The following CA5B variants were observed in gnomAD, a reference collection of about 807,000 sequenced individuals.
CA5B encodes the protein carbonic anhydrase 5B.
In CA5B, 15 loss-of-function variants were observed where a neutral mutation model predicts 23.1. The ratio of observed to expected loss-of-function variants is 0.65; its 90% CI spans 0.43 to 1.00. CA5B has a LOEUF of 1.00. Ranked by LOEUF, CA5B falls within the 50% of genes least tolerant of loss-of-function variation. CA5B has a pLI of 0.00. For synonymous variants in CA5B, 84 were observed against 98.5 expected (o/e 0.85, Z 0.87); for missense variants, 236 against 252.2 (o/e 0.94, Z 0.43).
intron 3 of CA5B, chrX:15,768,495 T>C (rs764047315): frequency 8.9e-6 from 1 of 112,309 alleles, no homozygotes; most frequent in Non-Finnish European, 1.9e-5. Flanking sequence ...TGTAGAGAGT[T>C]TGCTAATTTT....
At chrX:15,738,823 C>T (rs1931062477) in intron 1 of CA5B, among the ~76,000 whole-genome samples, 1 of 111,161 alleles carries the variant, frequency 9.0e-6, no homozygotes, top group Non-Finnish European at 1.9e-5. Flanking sequence ...GGAACTCCCT[C>T]AGATCTGCAT....
intron 2 of CA5B, among the ~76,000 whole-genome samples, chrX:15,754,064 G>A (rs1340866763): frequency 8.9e-6 from 1 of 112,062 alleles, no homozygotes; most frequent in African/African-American, 3.2e-5. Flanking sequence ...CTATTTGAGT[G>A]TTAAAGCTGG....
intron 1 of CA5B, among the ~76,000 whole-genome samples, chrX:15,739,798 G>T (rs1344021168): frequency 8.9e-6 from 1 of 111,742 alleles, no homozygotes; most frequent in Non-Finnish European, 1.9e-5. Flanking sequence ...TGGGTGAGAG[G>T]GGGAAGCTGA....
chrX:15,739,129 G>A (rs1931069118), intron 1 of CA5B, among the ~76,000 whole-genome samples: 1 of 112,271 alleles, frequency 8.9e-6, no homozygotes, highest in South Asian at 3.7e-4. Flanking sequence ...TCCCTCCTGT[G>A]TATTTTCGCT....
intron 1 of CA5B, among the ~76,000 whole-genome samples, chrX:15,746,666 A>G (rs972442140): frequency 9.0e-6 from 1 of 111,494 alleles, no homozygotes; most frequent in Non-Finnish European, 1.9e-5. Flanking sequence ...CTCCCCGAGC[A>G]TCCAGGGATC....
intron 1 of CA5B, among the ~76,000 whole-genome samples, chrX:15,739,935 T>C (rs1024215854): frequency 8.9e-6 from 1 of 111,868 alleles, no homozygotes; most frequent in Non-Finnish European, 1.9e-5. Flanking sequence ...AATGAAGGAA[T>C]TTTTTTCCAA....
At chrX:15,741,578 C>T (rs2147251138) in intron 1 of CA5B, among the ~76,000 whole-genome samples, 1 of 109,397 alleles carries the variant, frequency 9.1e-6, no homozygotes, top group South Asian at 4.0e-4. Flanking sequence ...CTCCTGGGTT[C>T]AAGCAATTCT....
In CA5B at chrX:15,759,590, C is replaced by G. The variant is rs1457833508; in HGVS notation, c.143-4988C>G. ...CCTAGTCTATGACATTCTGTCATAGCAGGCTGAATGGACTAAGACAGTGCT... is the reference window on the plus strand; with the variant it reads ...CCTAGTCTATGACATTCTGTCATAGGAGGCTGAATGGACTAAGACAGTGCT... On this transcript the variant is annotated intron_variant, in intron 2 of 7. Coordinates refer to ENST00000318636, the MANE Select transcript of CA5B (RefSeq NM_007220.4). Among the ~76,000 whole-genome samples the G allele has an allele frequency of 2.7e-5, 3 of 111,119 alleles. No homozygotes were observed. The Admixed American group carries it at 2.9e-4, about 11-fold the overall frequency.
chrX:15,775,328 A>G lies in CA5B; in HGVS notation c.618+20A>G. 4.2e-6 allele frequency: 5 copies of G among 1,181,200 alleles called. No individual in the cohort carries two copies. Among genetic ancestry groups the G allele is most frequent in the Non-Finnish European group, 5.7e-6 (5 of 879,279 alleles). ...CATAAGGTACTATTTGTTTTCCTTA[A>G]TTACTTGAAATATACTTTTATGTTT... On this transcript the variant is annotated intron_variant, in intron 6 of 7. Coordinates refer to ENST00000318636, the MANE Select transcript of CA5B (RefSeq NM_007220.4).
rs773537433 is a variant in CA5B at position 15,777,449 on chromosome X, A to G, written c.774+580A>G. Among the ~76,000 whole-genome samples, 3 of 112,093 alleles carry G rather than the reference A, an allele frequency of 2.7e-5. No individual in the cohort carries two copies. In the East Asian group the frequency reaches 8.3e-4, roughly 31 times the overall value. ...TTGTTTTATGGGATTTTTATTGATTATAAAGCATTTTCATAAGAAAAAAAG... is the reference window on the plus strand; with the variant it reads ...TTGTTTTATGGGATTTTTATTGATTGTAAAGCATTTTCATAAGAAAAAAAG... On this transcript the variant is annotated intron_variant, in intron 7 of 7. Coordinates refer to ENST00000318636, the MANE Select transcript of CA5B (RefSeq NM_007220.4).
At chrX:15,779,478 T>TTTTATGTGTTAACATAA (rs1931983724) in intron 7 of CA5B, among the ~76,000 whole-genome samples, 1 of 112,009 alleles carries the variant, frequency 8.9e-6, no homozygotes, top group African/African-American at 3.2e-5. Flanking sequence ...AAATTAACCA[T>TTTTATGTGTTAACATAA]CACAGGAAGA....
rs12841514 is a variant in CA5B at position 15,783,207 on chromosome X, A to C, written c.*543A>C. The C allele has an allele frequency of 0.33, 37,126 of 111,548 alleles. 6,066 individuals are homozygous for C. Among genetic ancestry groups the C allele is most frequent in the Non-Finnish European group, 0.5 (26,583 of 52,977 alleles). The allele number at this position is 111,548 out of a possible 1,213,427, so 9.2% of individuals were successfully genotyped here. A position where few individuals can be genotyped will look rare whatever the true frequency, so the allele number is the denominator to read the frequency against. On this transcript the variant is annotated 3_prime_UTR_variant, in exon 8 of 8. Coordinates refer to ENST00000318636, the MANE Select transcript of CA5B (RefSeq NM_007220.4). ...CCTTGCAGAAACAGCCTATGGGCCCAGACTGGTACTTCCTGGCTGAATATT... is the reference window on the plus strand; with the variant it reads ...CCTTGCAGAAACAGCCTATGGGCCCCGACTGGTACTTCCTGGCTGAATATT...
chrX:15,766,443 G>A (rs750119273), intron 3 of CA5B, among the ~76,000 whole-genome samples: 12 of 111,669 alleles, frequency 1.1e-4, no homozygotes, highest in East Asian at 5.6e-4. Context: ...ATGGTATGAC[G>A]CAGCCCCAAA....
intron 2 of CA5B, among the ~76,000 whole-genome samples, chrX:15,761,973 G>A (rs1931610272): frequency 8.9e-6 from 1 of 112,181 alleles, no homozygotes; most frequent in Admixed American, 9.5e-5. Context: ...CTGAGGTTAA[G>A]ATACTGACTT....
chrX:15,768,172 T>C (rs1379283870), intron 3 of CA5B, among the ~76,000 whole-genome samples: 1 of 110,331 alleles, frequency 9.1e-6, no homozygotes, highest in Non-Finnish European at 1.9e-5. Context: ...GCTGAGATTA[T>C]AGGTGTGAGC....
At position 15,739,830 on chromosome X, in the gene CA5B, C is replaced by T. The variant is rs150424164; in HGVS notation, c.-54+1478C>T. ...CTGAGCTTTCTCAGTCAAGATATCG[C>T]AGCATAATCTCTAATTTAGATTTCA... On this transcript the variant is annotated intron_variant, in intron 1 of 7. Transcript: ENST00000318636. Among the ~76,000 whole-genome samples, 218 of 111,764 alleles carry T rather than the reference C, an allele frequency of 2.0e-3. 1 individual carries two copies. The highest frequency in any genetic ancestry group is 7.1e-3 in the African/African-American group (217 of 30,742).
At chrX:15,763,265 A>G (rs911804176) in intron 2 of CA5B, among the ~76,000 whole-genome samples, 11 of 112,488 alleles carry the variant, frequency 9.8e-5, no homozygotes, top group African/African-American at 3.2e-4. Context: ...TACTGATTCA[A>G]TGTTTCCTTT....
At chrX:15,762,863 G>T (rs770952174) in intron 2 of CA5B, 1 of 368,281 alleles carries the variant, frequency 2.7e-6, no homozygotes, top group Non-Finnish European at 5.5e-6. Flanking sequence ...ATGTACATTG[G>T]TTCTGCTCAT....
chrX:15,781,407 T>C lies in CA5B; in HGVS notation c.775-1078T>C, dbSNP rs547924354. ...TTGCATTGAGTTGTATTGTCTAATA[T>C]TGTAACCACTGGACACATGTAACCA... On this transcript the variant is annotated intron_variant, in intron 7 of 7. Coordinates refer to ENST00000318636, the MANE Select transcript of CA5B (RefSeq NM_007220.4). Among the ~76,000 whole-genome samples the C allele has an allele frequency of 3.5e-3, 393 of 112,268 alleles. 1 individual carries two copies. Among genetic ancestry groups the C allele is most frequent in the Non-Finnish European group, 5.9e-3 (313 of 53,245 alleles).
Sources: allele counts gnomAD v4.1 joint callset (sites outside exome capture counted in the v4.1 genomes callset), GRCh38; gene constraint gnomAD v4.1.1; transcripts MANE v1.5; gene names NCBI Gene and HGNC (gene_info 2026-07-23, HGNC 2026-07-21).